The following ZMAT3 variants were observed in gnomAD, a reference collection of about 807,000 sequenced individuals.
ZMAT3 encodes zinc finger matrin-type protein 3.
ZMAT3 carries 17 observed loss-of-function variants against 32.3 expected under a neutral mutation model. The observed-to-expected ratio is 0.53, with a 90% CI of 0.36 to 0.79. ZMAT3 has a LOEUF of 0.79. Ranked by LOEUF, ZMAT3 falls within the 30% of genes least tolerant of loss-of-function variation. The pLI is 0.00. For missense variants in ZMAT3, 329 were observed against 359.7 expected (o/e 0.91, Z 0.69); for synonymous variants, 120 against 133.1 (o/e 0.90, Z 0.68).
rs1718429341 is a variant in ZMAT3 at position 179,019,375 on chromosome 3, C to T, written c.*5642G>A. 1 of 151,822 alleles carries T rather than the reference C, an allele frequency of 6.6e-6. No individual in the cohort carries two copies. Among genetic ancestry groups the T allele is most frequent in the African/African-American group, 2.4e-5 (1 of 41,300 alleles). The allele number at this position is 151,822 out of a possible 1,614,324, so 9.4% of individuals were successfully genotyped here. On this transcript the variant is annotated 3_prime_UTR_variant, in exon 6 of 6. Transcript: ENST00000311417. ...GAATACTAAACCTTAATTAATGACA[C>T]CCATGCTAAGAATTTAGGGCAGTGT...
chr3:179,056,511 G>C (rs1025128187), intron 2 of ZMAT3, among the ~76,000 whole-genome samples: 1 of 152,108 alleles, frequency 6.6e-6, no homozygotes, highest in Non-Finnish European at 1.5e-5. Flanking sequence ...TGCCCCTTAC[G>C]TCAAGGGAAT....
rs913397478 is a variant in ZMAT3, at chr3:179,071,683, C to G, written c.-146G>C. ...GCCCTGCGCGCCCGGCTCGGCCCAG[C>G]TCGACCCAGCCTCTTCTCGGAGCAA... is the stretch of plus-strand genomic sequence containing the variant. On this transcript the variant is annotated 5_prime_UTR_variant, in exon 1 of 6. Coordinates refer to ENST00000311417, the MANE Select transcript of ZMAT3 (RefSeq NM_022470.4). The G allele has an allele frequency of 6.6e-6, 1 of 152,658 alleles. No individual in the cohort carries two copies. Among genetic ancestry groups the G allele is most frequent in the African/African-American group, 2.4e-5 (1 of 41,446 alleles). The allele number at this position is 152,658 out of a possible 1,614,324, so 9.5% of individuals were successfully genotyped here. A position where few individuals can be genotyped will look rare whatever the true frequency, so the allele number is the denominator to read the frequency against.
intron 1 of ZMAT3, among the ~76,000 whole-genome samples, chr3:179,069,387 A>G (rs961499764): frequency 1.3e-5 from 2 of 152,182 alleles, no homozygotes; most frequent in African/African-American, 2.4e-5. Flanking sequence ...AATGAACCAC[A>G]GTACACCCTT....
At chr3:179,028,497 A>T (rs967032511) in intron 3 of ZMAT3, among the ~76,000 whole-genome samples, 2 of 152,240 alleles carry the variant, frequency 1.3e-5, no homozygotes, top group African/African-American at 4.8e-5. Context: ...AACCACATAT[A>T]TCAGCAACAG....
In ZMAT3 at chr3:179,042,522, C is replaced by CA. The variant is rs1280652694; in HGVS notation, c.271-11524dup. The stretch of plus-strand genomic sequence containing the variant: ...AGAAAAGGCCTTTGACAAAACTCAA[C>CA]AGCCTTCATGCCAAAAACTCTCAAT... On this transcript the variant is annotated intron_variant, in intron 2 of 5. Transcript: ENST00000311417. 5.1e-4 allele frequency among the ~76,000 whole-genome samples: 78 copies of CA among 152,298 alleles called. 1 individual carries two copies. Among genetic ancestry groups the CA allele is most frequent in the Middle Eastern group, 3.4e-3 (1 of 294 alleles).
At chr3:179,042,926 A>G (rs1407667498) in intron 2 of ZMAT3, among the ~76,000 whole-genome samples, 1 of 152,198 alleles carries the variant, frequency 6.6e-6, no homozygotes, top group East Asian at 1.9e-4. Context: ...CTATACACCA[A>G]TAACAGACAA....
chr3:179,041,730 G>A (rs975291792), intron 2 of ZMAT3, among the ~76,000 whole-genome samples: 15 of 152,036 alleles, frequency 9.9e-5, no homozygotes, highest in African/African-American at 3.6e-4. Flanking sequence ...AAATAACTAA[G>A]ATCAGAGCAG....
At chr3:179,038,014 G>T (rs1420166598) in intron 2 of ZMAT3, among the ~76,000 whole-genome samples, 1 of 152,120 alleles carries the variant, frequency 6.6e-6, no homozygotes, top group Non-Finnish European at 1.5e-5. Context: ...AATAAAACAG[G>T]ATGATATAAT....
At chr3:179,032,963 G>A (rs184913486) in intron 2 of ZMAT3, among the ~76,000 whole-genome samples, 1,539 of 152,056 alleles carry the variant, frequency 0.01, 27 homozygotes, top group African/African-American at 0.035. Context: ...CTCTCTGCCC[G>A]GCCGCCACCC....
At chr3:179,031,030 TCCAC>T in intron 2 of ZMAT3, 31 bp from the exon 3 acceptor site, 1 of 1,577,412 alleles carries the variant, frequency 6.3e-7, no homozygotes, top group Non-Finnish European at 8.6e-7. Flanking sequence ...AGTACAGCAG[TCCAC>T]CCTTATCTGC....
chr3:179,026,305 TG>T (rs758210262), intron 5 of ZMAT3, among the ~76,000 whole-genome samples: 1 of 151,890 alleles, frequency 6.6e-6, no homozygotes, highest in Non-Finnish European at 1.5e-5. Context: ...TAACATTTTT[TG>T]GACTTTGGTA....
intron 3 of ZMAT3, among the ~76,000 whole-genome samples, chr3:179,030,285 CAT>C (rs570197151): frequency 3.2e-4 from 48 of 151,626 alleles, no homozygotes; most frequent in African/African-American, 8.5e-4. Flanking sequence ...TAAAGGAACA[CAT>C]GTTTGAAAAT....
At chr3:179,060,758 A>G (rs1450647400) in intron 2 of ZMAT3, among the ~76,000 whole-genome samples, 2 of 152,226 alleles carry the variant, frequency 1.3e-5, no homozygotes, top group African/African-American at 4.8e-5. Flanking sequence ...GGAAAACTAG[A>G]CACAACCATC....
Position 179,019,521 on chromosome 3 carries a change from G to C in ZMAT3, c.*5496C>G, listed in dbSNP as rs1469057824. The C allele has an allele frequency of 6.6e-6, 1 of 152,102 alleles. No individual in the cohort carries two copies. The highest frequency in any genetic ancestry group is 1.9e-4 in the East Asian group (1 of 5,176). The allele number at this position is 152,102 out of a possible 1,614,324, so 9.4% of individuals were successfully genotyped here. A position where few individuals can be genotyped will look rare whatever the true frequency, so the allele number is the denominator to read the frequency against. On this transcript the variant is annotated 3_prime_UTR_variant, in exon 6 of 6. Coordinates refer to ENST00000311417, the MANE Select transcript of ZMAT3 (RefSeq NM_022470.4). Reference sequence around the variant, plus strand: ...AATACAAGTATAGTCAAATGTTGATGGCAGAATCTAGCAGTGGTTATACTG... The same window carrying C: ...AATACAAGTATAGTCAAATGTTGATCGCAGAATCTAGCAGTGGTTATACTG...
At chr3:179,027,172 G>T (rs1718914941) in intron 5 of ZMAT3, among the ~76,000 whole-genome samples, 1 of 151,782 alleles carries the variant, frequency 6.6e-6, no homozygotes, top group South Asian at 2.1e-4. Flanking sequence ...AAACATAAGG[G>T]GACAAAGATA....
chr3:179,028,521 C>A (rs184047406), intron 3 of ZMAT3, among the ~76,000 whole-genome samples: 6 of 152,320 alleles, frequency 3.9e-5, no homozygotes, highest in Admixed American at 3.3e-4. Flanking sequence ...CAGAAAACAG[C>A]ATCATTTCAC....
intron 2 of ZMAT3, among the ~76,000 whole-genome samples, chr3:179,044,961 A>T (rs1444975680): frequency 6.6e-6 from 1 of 152,090 alleles, no homozygotes; most frequent in African/African-American, 2.4e-5. Context: ...GCAAACCAAC[A>T]TGGTACATGT....
Position 179,022,062 on chromosome 3 carries a change from T to G in ZMAT3, c.*2955A>C, listed in dbSNP as rs201742540. On this transcript the variant is annotated 3_prime_UTR_variant, in exon 6 of 6. Transcript: ENST00000311417. ...TAAAGTGTCCTATAAAACAAACACATAGCTCTTTTTTAGTGCAAAGAAATA... is the reference window on the plus strand; with the variant it reads ...TAAAGTGTCCTATAAAACAAACACAGAGCTCTTTTTTAGTGCAAAGAAATA... The G allele has an allele frequency of 7.1e-6, 1 of 141,754 alleles. No homozygotes were observed. The highest frequency in any genetic ancestry group is 6.8e-5 in the Admixed American group (1 of 14,754). 8.8% of individuals were successfully genotyped at this position (141,754 alleles called of 1,614,324 possible).
chr3:179,038,127 T>G (rs1435618145), intron 2 of ZMAT3, among the ~76,000 whole-genome samples: 1 of 152,138 alleles, frequency 6.6e-6, no homozygotes, highest in African/African-American at 2.4e-5. Context: ...CCATGCAATG[T>G]AGAGAAAGGG....
Sources: allele counts gnomAD v4.1 joint callset (sites outside exome capture counted in the v4.1 genomes callset), GRCh38; gene constraint gnomAD v4.1.1; transcripts MANE v1.5; gene names NCBI Gene and HGNC (gene_info 2026-07-23, HGNC 2026-07-21).